Variants in GNG7 observed in about 807,000 individuals in gnomAD.
GNG7 encodes the protein G protein subunit gamma 7, also known as guanine nucleotide-binding protein G(I)/G(S)/G(O) subunit gamma-7.
GNG7 carries 1 observed loss-of-function variant against 4.0 expected under a neutral mutation model. That is an observed-to-expected ratio of 0.25 (90% CI 0.09 to 1.18). The LOEUF is 1.18. Among genes scored for constraint, GNG7 ranks in the 50% most tolerant of loss-of-function variants. The pLI, the probability that GNG7 is intolerant of heterozygous loss-of-function variation, is 0.50. For synonymous variants in GNG7, 34 were observed against 36.9 expected (o/e 0.92, Z 0.29); for missense variants, 86 against 91.9 (o/e 0.94, Z 0.26).
intron 2 of GNG7, among the ~76,000 whole-genome samples, chr19:2,569,513 G>T (rs1041659214): frequency 1.3e-5 from 2 of 152,112 alleles, no homozygotes; most frequent in African/African-American, 2.4e-5. Flanking sequence ...CTGACCTCGG[G>T]ATCCACCCGC....
At chr19:2,694,696 T>A (rs1913204803) in intron 1 of GNG7, among the ~76,000 whole-genome samples, 1 of 152,128 alleles carries the variant, frequency 6.6e-6, no homozygotes, top group Non-Finnish European at 1.5e-5. Flanking sequence ...TGCAGCCTCC[T>A]GGGACCTCAG....
At chr19:2,597,191 G>C (rs1981047927) in intron 2 of GNG7, among the ~76,000 whole-genome samples, 1 of 63,940 alleles carries the variant, frequency 1.6e-5, no homozygotes, top group Non-Finnish European at 3.6e-5. Context: ...GAGCCTGGGA[G>C]TTGGAAGCTG....
intron 2 of GNG7, among the ~76,000 whole-genome samples, chr19:2,631,309 A>C (rs1190687409): frequency 6.6e-6 from 1 of 152,196 alleles, no homozygotes; most frequent in African/African-American, 2.4e-5. Context: ...CACCTCATGA[A>C]GCCACTTAAC....
intron 3 of GNG7, among the ~76,000 whole-genome samples, chr19:2,521,620 T>C (rs557893949): frequency 1.4e-5 from 2 of 143,738 alleles, no homozygotes; most frequent in Non-Finnish European, 3.1e-5. Context: ...GTGTTTTTTT[T>C]TTTTTTTTTT....
At chr19:2,622,312 C>T (rs1215849467) in intron 2 of GNG7, among the ~76,000 whole-genome samples, 2 of 152,234 alleles carry the variant, frequency 1.3e-5, no homozygotes, top group African/African-American at 4.8e-5. Context: ...ATCTCCTGAC[C>T]TTGTGATCCG....
intron 1 of GNG7, among the ~76,000 whole-genome samples, chr19:2,681,031 T>C (rs1221712911): frequency 6.6e-6 from 1 of 152,156 alleles, no homozygotes; most frequent in Non-Finnish European, 1.5e-5. Context: ...TGCATTTCCC[T>C]GAGGACTGAC....
At chr19:2,667,954 T>C (rs973980974) in intron 1 of GNG7, among the ~76,000 whole-genome samples, 1 of 151,150 alleles carries the variant, frequency 6.6e-6, no homozygotes, top group African/African-American at 2.4e-5. Context: ...AAAAAGAAAA[T>C]CTGAAAAACT....
intron 1 of GNG7, among the ~76,000 whole-genome samples, chr19:2,672,886 C>T (rs1313836111): frequency 6.6e-6 from 1 of 152,142 alleles, no homozygotes; most frequent in Non-Finnish European, 1.5e-5. Context: ...CCCTGAACCC[C>T]AGACTATTCA....
At chr19:2,540,843 C>A (rs980965820) in intron 3 of GNG7, among the ~76,000 whole-genome samples, 1 of 152,222 alleles carries the variant, frequency 6.6e-6, no homozygotes, top group African/African-American at 2.4e-5. Context: ...GACAGCGAGA[C>A]CCAGAGAGGC....
intron 1 of GNG7, among the ~76,000 whole-genome samples, chr19:2,669,288 G>A (rs989836050): frequency 4.6e-5 from 7 of 152,056 alleles, no homozygotes; most frequent in African/African-American, 7.2e-5. Context: ...TCGGGAGTTC[G>A]AGACCAGCCT....
chr19:2,532,165 A>ACAC (rs1337686179), intron 3 of GNG7, among the ~76,000 whole-genome samples: 12 of 107,036 alleles, frequency 1.1e-4, no homozygotes, highest in African/African-American at 5.0e-4. Context: ...AAAAAAACAA[A>ACAC]AAAAAAAACA....
intron 2 of GNG7, among the ~76,000 whole-genome samples, chr19:2,613,894 C>T (rs917462245): frequency 6.6e-6 from 1 of 152,212 alleles, no homozygotes; most frequent in Non-Finnish European, 1.5e-5. Flanking sequence ...TGCCAAGAAA[C>T]TCGGACTGCA....
chr19:2,559,733 C>CGGTCTCTTGACCTCGT, intron 2 of GNG7, among the ~76,000 whole-genome samples: 1 of 152,052 alleles, frequency 6.6e-6, no homozygotes, highest in Non-Finnish European at 1.5e-5. Flanking sequence ...AGACTGGTCT[C>CGGTCTCTTGACCTCGT]GATCTCTTGA....
At chr19:2,696,689 C>T (rs961431396) in intron 1 of GNG7, among the ~76,000 whole-genome samples, 2 of 152,212 alleles carry the variant, frequency 1.3e-5, no homozygotes, top group African/African-American at 4.8e-5. Flanking sequence ...GCATGTCACA[C>T]GCAGTGAGAG....
At chr19:2,700,833 C>CAAG in intron 1 of GNG7, 1 of 152,302 alleles carries the variant, frequency 6.6e-6, no homozygotes, top group African/African-American at 2.4e-5. Context: ...TCCATCAAGG[C>CAAG]AAGATCGCAG....
At chr19:2,578,908 G>A (rs894036920) in intron 2 of GNG7, among the ~76,000 whole-genome samples, 7 of 152,246 alleles carry the variant, frequency 4.6e-5, no homozygotes, top group East Asian at 3.9e-4. Flanking sequence ...CCCAGGGGCC[G>A]AGCTGTGGGG....
chr19:2,583,322 C>T (rs1345450586), intron 2 of GNG7, among the ~76,000 whole-genome samples: 1 of 152,178 alleles, frequency 6.6e-6, no homozygotes, highest in Non-Finnish European at 1.5e-5. Flanking sequence ...CTTTTGTAAA[C>T]ATAAAGTTGT....
At chr19:2,636,119 C>T (rs1279318505) in intron 2 of GNG7, among the ~76,000 whole-genome samples, 3 of 152,148 alleles carry the variant, frequency 2.0e-5, no homozygotes, top group Admixed American at 6.5e-5. Context: ...GCTCTCTGCT[C>T]ACACCGGACA....
intron 2 of GNG7, among the ~76,000 whole-genome samples, chr19:2,568,560 CAT>C (rs1426298830): frequency 2.8e-4 from 43 of 151,412 alleles, no homozygotes; most frequent in South Asian, 1.0e-3. Context: ...TATATACACA[CAT>C]ATACACACAT....
Sources: allele counts gnomAD v4.1 joint callset (sites outside exome capture counted in the v4.1 genomes callset), GRCh38; gene constraint gnomAD v4.1.1; transcripts MANE v1.5; gene names NCBI Gene and HGNC (gene_info 2026-07-23, HGNC 2026-07-21).